MVB12A: variants seen among roughly 807,000 people sequenced by gnomAD.
MVB12A encodes multivesicular body subunit 12A, also known as CIN85/CD2AP family binding protein.
MVB12A carries 30 observed loss-of-function variants against 34.3 expected under a neutral mutation model. The ratio of observed to expected loss-of-function variants is 0.88; its 90% CI spans 0.65 to 1.19. The LOEUF (loss-of-function observed/expected upper bound fraction) is 1.19. Among genes scored for constraint, MVB12A ranks in the 50% most tolerant of loss-of-function variants. The pLI is 0.00. For synonymous variants in MVB12A, 158 were observed against 158.9 expected, an observed-to-expected ratio of 0.99 and a Z score of 0.04; for missense variants, 355 against 369.2, an observed-to-expected ratio of 0.96 and a Z score of 0.31.
chr19:17,424,914 C>A lies in MVB12A; in HGVS notation c.760-17C>A. On this transcript the variant is annotated splice_polypyrimidine_tract_variant and intron_variant, in intron 8 of 8. Coordinates refer to ENST00000317040, the MANE Select transcript of MVB12A (RefSeq NM_138401.4). ...TTACTCTGGCACCTGTTCACTCTCT[C>A]TCTCCCCATCCCCCAGTATAACTAC... 6.3e-7 allele frequency: 1 copy of A among 1,593,902 alleles called. No individual in the cohort carries two copies.
chr19:17,420,956 T>G, intron 3 of MVB12A: 1 of 550,214 alleles, frequency 1.8e-6, no homozygotes, highest in South Asian at 1.5e-5. Flanking sequence ...CTTTTTCATT[T>G]CCAGGCTTTG....
intron 3 of MVB12A, 192 bp from the exon 4 acceptor site, chr19:17,422,140 C>A: frequency 2.1e-6 from 1 of 485,716 alleles, no homozygotes; most frequent in African/African-American, 1.9e-5. Context: ...CCAGCGGTTC[C>A]TAAAGGCTGC....
In MVB12A at chr19:17,425,013, A is replaced by AAG. The variant is rs2074862441; in HGVS notation, c.*23_*24dup. ...TCATAGTCCCTCACCCTTCCGCGGA[A>AAG]AGAGCCCCCTTACTCCACCTCCCCG... is the stretch of plus-strand genomic sequence containing the variant. On this transcript the variant is annotated 3_prime_UTR_variant, in exon 9 of 9. Coordinates refer to ENST00000317040, the MANE Select transcript of MVB12A (RefSeq NM_138401.4). 1.9e-6 allele frequency: 3 copies of AAG among 1,540,278 alleles called. No individual in the cohort carries two copies. Among genetic ancestry groups the AAG allele is most frequent in the Non-Finnish European group, 2.7e-6 (3 of 1,126,162 alleles).
chr19:17,411,949 C>T (rs999599391), intron 2 of MVB12A, among the ~76,000 whole-genome samples: 3 of 152,210 alleles, frequency 2.0e-5, no homozygotes, highest in Admixed American at 6.5e-5. Flanking sequence ...TGTAGGAAGT[C>T]GCTGGCCCCA....
chr19:17,408,457 T>TAA (rs61103617), intron 2 of MVB12A, among the ~76,000 whole-genome samples: 7 of 148,378 alleles, frequency 4.7e-5, no homozygotes, highest in South Asian at 4.2e-4. Flanking sequence ...ATTAATTAAT[T>TAA]TTTTTTGAGA....
At chr19:17,417,093 ACTTTC>A (rs369257564), upstream of MVB12A, 1,562 of 381,928 alleles carry the variant, frequency 4.1e-3, 24 homozygotes, top group African/African-American at 0.03. Context: ...GCACCGTCAA[ACTTTC>A]CTTTCAACTT....
chr19:17,409,944 A>G (rs891020938), intron 2 of MVB12A, among the ~76,000 whole-genome samples: 5 of 149,636 alleles, frequency 3.3e-5, no homozygotes, highest in Admixed American at 6.7e-5. Context: ...TTTTTAGTAG[A>G]GACGGGGTTT....
intron 2 of MVB12A, among the ~76,000 whole-genome samples, chr19:17,407,190 C>T (rs1437337131): frequency 6.6e-6 from 1 of 152,162 alleles, no homozygotes; most frequent in Non-Finnish European, 1.5e-5. Flanking sequence ...CAGCTGTAAA[C>T]AGTCCCAGCC....
At chr19:17,414,970 C>T (rs2074789923) in intron 2 of MVB12A, 1 of 152,308 alleles carries the variant, frequency 6.6e-6, no homozygotes, top group South Asian at 2.1e-4. Flanking sequence ...TGGCGGATCG[C>T]TTGAGTCCAG....
At chr19:17,412,705 T>G (rs1318748855) in intron 2 of MVB12A, among the ~76,000 whole-genome samples, 1 of 152,236 alleles carries the variant, frequency 6.6e-6, no homozygotes, top group Non-Finnish European at 1.5e-5. Flanking sequence ...GTGAGATTTC[T>G]CATCAGTTAC....
chr19:17,410,952 C>CATTTT lies in MVB12A; in HGVS notation c.-5+4676_-5+4680dup, dbSNP rs963879062. Among the ~76,000 whole-genome samples, 292 of 139,228 alleles carry CATTTT rather than the reference C, an allele frequency of 2.1e-3. 2 individuals are homozygous for CATTTT. The highest frequency in any genetic ancestry group is 6.9e-3 in the African/African-American group (262 of 38,152). 91.3% of individuals were successfully genotyped at this position (139,228 alleles called of 152,430 possible). A position where few individuals can be genotyped will look rare whatever the true frequency, so the allele number is the denominator to read the frequency against. On this transcript the variant is annotated intron_variant, in intron 2 of 6. Transcript: ENST00000528604. ...CAAAAAAAAAAAAAAAGAAAAGAAA[C>CATTTT]ATTTTATTTTATTTTATTTTATTTA...
chr19:17,411,684 C>T (rs868446602), intron 2 of MVB12A, among the ~76,000 whole-genome samples: 31 of 151,884 alleles, frequency 2.0e-4, no homozygotes, highest in Middle Eastern at 3.4e-3. Flanking sequence ...TTTGTAGAGA[C>T]GGGATCTCTG....
chr19:17,414,604 C>G (rs1860754640), intron 2 of MVB12A: 1 of 152,338 alleles, frequency 6.6e-6, no homozygotes, highest in Non-Finnish European at 1.5e-5. Context: ...CTCAGTGGCT[C>G]ATGCCTGTAA....
intron 3 of MVB12A, chr19:17,421,189 T>TTC (rs2074836418): frequency 5.0e-6 from 2 of 396,736 alleles, no homozygotes; most frequent in Non-Finnish European, 9.9e-6. Flanking sequence ...ACCTTTTTTT[T>TTC]TTTTTTTTTC....
chr19:17,406,955 A>G (rs2074732904), intron 2 of MVB12A, among the ~76,000 whole-genome samples: 1 of 152,132 alleles, frequency 6.6e-6, no homozygotes, highest in African/African-American at 2.4e-5. Context: ...CAAAGACACG[A>G]CCTTTGCCTG....
At chr19:17,417,583 G>T (rs1273030895), upstream of MVB12A, 1 of 151,152 alleles carries the variant, frequency 6.6e-6, no homozygotes, top group Non-Finnish European at 1.5e-5. Flanking sequence ...TCCAGCCTGG[G>T]CAACAGAGCG....
At chr19:17,408,473 T>A (rs2074742887) in intron 2 of MVB12A, among the ~76,000 whole-genome samples, 1 of 150,650 alleles carries the variant, frequency 6.6e-6, no homozygotes, top group African/African-American at 2.4e-5. Context: ...TGAGATGGAG[T>A]CTCGCTCTTG....
intron 2 of MVB12A, 34 bp downstream of exon 2, chr19:17,420,445 C>G: frequency 6.2e-7 from 1 of 1,605,152 alleles, no homozygotes; most frequent in Non-Finnish European, 8.5e-7. Flanking sequence ...CCACCAGGGT[C>G]TGCCCACCTC....
At chr19:17,417,940 AG>A, upstream of MVB12A, 1 of 238,874 alleles carries the variant, frequency 4.2e-6, no homozygotes, top group Admixed American at 4.1e-5. Context: ...TCTGTCGCCC[AG>A]GCTGGAGTGC....
Sources: allele counts gnomAD v4.1 joint callset (sites outside exome capture counted in the v4.1 genomes callset), GRCh38; gene constraint gnomAD v4.1.1; transcripts MANE v1.5; gene names NCBI Gene and HGNC (gene_info 2026-07-23, HGNC 2026-07-21).